Variants in MCUB observed in about 807,000 individuals in gnomAD.
MCUB encodes the protein calcium uniporter regulatory subunit MCUb, mitochondrial.
A neutral mutation model predicts 41.4 loss-of-function variants in MCUB; 46 were observed. That is an observed-to-expected ratio of 1.11 (90% CI 0.88 to 1.42). The LOEUF (loss-of-function observed/expected upper bound fraction) is 1.42. MCUB is among the 40% of genes most tolerant of loss of function. The pLI is 0.00. For synonymous variants in MCUB, 148 were observed against 148.2 expected (o/e 1.00, Z 0.01); for missense variants, 403 against 404.9 (o/e 1.00, Z 0.04).
intron 1 of MCUB, among the ~76,000 whole-genome samples, chr4:109,607,755 A>G (rs558660077): frequency 5.3e-5 from 8 of 152,302 alleles, no homozygotes; most frequent in Admixed American, 5.2e-4. Context: ...GTCTGCTGCT[A>G]GACATATTGG....
Position 109,590,350 on chromosome 4 carries a change from C to T in MCUB, c.99+29914C>T, listed in dbSNP as rs539896469. ...GCTTATAGTTTAAATACTTTCTACT[C>T]CAGTTTTGAAACACTGATGAGAATA... On this transcript the variant is annotated intron_variant, in intron 1 of 7. Transcript: ENST00000394650. Among the ~76,000 whole-genome samples, 62 of 152,244 alleles carry T rather than the reference C, an allele frequency of 4.1e-4. 2 individuals carry two copies. The South Asian group carries it at 8.3e-3, about 20-fold the overall frequency.
intron 1 of MCUB, among the ~76,000 whole-genome samples, chr4:109,580,916 G>A (rs1236903353): frequency 6.6e-6 from 1 of 152,040 alleles, no homozygotes; most frequent in African/African-American, 2.4e-5. Flanking sequence ...CATGCTCATG[G>A]GTAGGAAGAA....
In MCUB at chr4:109,636,625, A is replaced by G. The variant is rs1013209658; in HGVS notation, c.100-22386A>G. ...CGAGGCGGGCAGATCACCTGAGGTC[A>G]GGAGTTCGAGACCAACCTGGCCAAC... On this transcript the variant is annotated intron_variant, in intron 1 of 7. Coordinates refer to ENST00000394650, the MANE Select transcript of MCUB (RefSeq NM_017918.5). 2.0e-5 allele frequency among the ~76,000 whole-genome samples: 3 copies of G among 152,210 alleles called. No individual in the cohort carries two copies. The East Asian group carries it at 5.8e-4, about 29-fold the overall frequency.
chr4:109,598,152 G>A (rs1727627597), intron 1 of MCUB, among the ~76,000 whole-genome samples: 1 of 147,868 alleles, frequency 6.8e-6, no homozygotes, highest in Admixed American at 6.7e-5. Context: ...CCCAGACGAT[G>A]GGCAGCCAGG....
intron 1 of MCUB, among the ~76,000 whole-genome samples, chr4:109,642,716 A>ATT (rs1297341868): frequency 6.6e-6 from 1 of 151,824 alleles, no homozygotes; most frequent in Admixed American, 6.6e-5. Flanking sequence ...GATACTTGAC[A>ATT]TTTTCCTAAT....
chr4:109,661,288 G>C (rs1336507481), intron 3 of MCUB, among the ~76,000 whole-genome samples: 2 of 152,046 alleles, frequency 1.3e-5, no homozygotes, highest in Non-Finnish European at 2.9e-5. Context: ...TGCAAATATA[G>C]ATAAATTAAT....
intron 4 of MCUB, among the ~76,000 whole-genome samples, chr4:109,669,682 T>C (rs924027958): frequency 3.3e-5 from 5 of 151,646 alleles, no homozygotes; most frequent in African/African-American, 4.9e-5. Flanking sequence ...CTAAAGTTCT[T>C]AGATGTTCTG....
chr4:109,568,188 C>T (rs1241345679), intron 1 of MCUB, among the ~76,000 whole-genome samples: 6 of 152,140 alleles, frequency 3.9e-5, no homozygotes, highest in East Asian at 3.8e-4. Context: ...TTCTGTAACT[C>T]GGCTTCGGGA....
chr4:109,655,026 C>T (rs549970865), intron 1 of MCUB, among the ~76,000 whole-genome samples: 1 of 152,296 alleles, frequency 6.6e-6, no homozygotes, highest in East Asian at 1.9e-4. Flanking sequence ...TCTCATGTTT[C>T]TCACAGGAGG....
intron 4 of MCUB, among the ~76,000 whole-genome samples, chr4:109,679,519 G>A (rs967049513): frequency 1.3e-5 from 2 of 152,186 alleles, no homozygotes; most frequent in Non-Finnish European, 2.9e-5. Context: ...GGCAGCACGT[G>A]CCTGGAATCC....
intron 1 of MCUB, among the ~76,000 whole-genome samples, chr4:109,605,625 G>A (rs1055312206): frequency 6.6e-6 from 1 of 152,126 alleles, no homozygotes; most frequent in African/African-American, 2.4e-5. Context: ...TGAAAGTATG[G>A]CGTTGAAGTC....
chr4:109,687,569 G>T lies in MCUB; in HGVS notation c.988G>T (p.Glu330Ter), dbSNP rs1396112520. The T allele has an allele frequency of 6.2e-7, 1 of 1,610,506 alleles. No homozygotes were observed. The change falls in exon 8 of 8, where the codon GAA becomes TAA. Residue 330 changes from glutamate to a stop codon, truncating the protein, a stop_gained. Coordinates refer to ENST00000394650, the MANE Select transcript of MCUB (RefSeq NM_017918.5). LOFTEE classifies it high-confidence loss of function. Reference sequence around the variant, plus strand: ...TTCTCTCTGTTTGCAAATGCAAGTAGAAGAACTCAATGAAAAGAATTAATC... The same window carrying T: ...TTCTCTCTGTTTGCAAATGCAAGTATAAGAACTCAATGAAAAGAATTAATC... Reference protein sequence around the residue: ...RHSLCLQMQVEELNEKN With the variant: ...RHSLCLQMQV
intron 1 of MCUB, among the ~76,000 whole-genome samples, chr4:109,587,314 A>G (rs982993652): frequency 6.6e-5 from 10 of 152,370 alleles, no homozygotes; most frequent in East Asian, 3.9e-4. Flanking sequence ...GACTGTTGGA[A>G]AAGTGCAGTA....
chr4:109,685,277 T>C lies in MCUB; in HGVS notation c.843T>C (p.Ser281=). The change falls in exon 7 of 8, where the codon AGT becomes AGC. Residue 281 remains serine (S), a synonymous_variant. Coordinates refer to ENST00000394650, the MANE Select transcript of MCUB (RefSeq NM_017918.5). ...ATTATACTTACTCAGCTGTTAAGAGTAGGCAATTTCTTCAGTTCTTCCACA... is the reference window on the plus strand; with the variant it reads ...ATTATACTTACTCAGCTGTTAAGAGCAGGCAATTTCTTCAGTTCTTCCACA... ...RQDYTYSAVK[S]RQFLQFFHKK... is the part of the protein sequence containing the mutation. 1 of 1,520,424 alleles carries C rather than the reference T, an allele frequency of 6.6e-7. No homozygotes were observed. Among genetic ancestry groups the C allele is most frequent in the South Asian group, 1.1e-5 (1 of 89,146 alleles). 94.2% of individuals were successfully genotyped at this position (1,520,424 alleles called of 1,614,324 possible).
chr4:109,606,514 G>A (rs1579062573), intron 1 of MCUB, among the ~76,000 whole-genome samples: 1 of 151,534 alleles, frequency 6.6e-6, no homozygotes, highest in Non-Finnish European at 1.5e-5. Flanking sequence ...TGTTTCTTGT[G>A]TATCCATTCT....
chr4:109,660,044 A>G (rs1561244738), intron 2 of MCUB, 151 bp from the exon 3 acceptor site: 2 of 578,208 alleles, frequency 3.5e-6, no homozygotes, highest in Non-Finnish European at 6.2e-6. Flanking sequence ...AAACTGTAGT[A>G]TAATGAAGGC....
At chr4:109,622,855 G>A (rs1728280054) in intron 1 of MCUB, among the ~76,000 whole-genome samples, 1 of 152,198 alleles carries the variant, frequency 6.6e-6, no homozygotes, top group South Asian at 2.1e-4. Context: ...CTGTCTCGAT[G>A]TGGGGCAGCA....
intron 1 of MCUB, among the ~76,000 whole-genome samples, chr4:109,579,255 C>CTT (rs34828788): frequency 5.8e-4 from 85 of 147,318 alleles, no homozygotes; most frequent in Middle Eastern, 3.5e-3. Context: ...TTAAACCTCA[C>CTT]TTTTTTTTTT....
rs550717710 is a variant in MCUB, at chr4:109,601,654, A to G, written c.99+41218A>G. Among the ~76,000 whole-genome samples the G allele has an allele frequency of 2.6e-5, 4 of 152,266 alleles. No homozygotes were observed. In the South Asian group the frequency reaches 8.3e-4, roughly 32 times the overall value. On this transcript the variant is annotated intron_variant, in intron 1 of 7. Coordinates refer to ENST00000394650, the MANE Select transcript of MCUB (RefSeq NM_017918.5). ...TTCATCTGTTGATGGACACTTAGGT[A>G]GCTTCCAAATCTTGGCTATTGTGAA...
Sources: allele counts gnomAD v4.1 joint callset (sites outside exome capture counted in the v4.1 genomes callset), GRCh38; gene constraint gnomAD v4.1.1; transcripts MANE v1.5; gene names NCBI Gene and HGNC (gene_info 2026-07-23, HGNC 2026-07-21).